The following SLCO1A2 variants were observed in gnomAD, a reference collection of about 807,000 sequenced individuals.
SLCO1A2 encodes the protein OATP-1.
SLCO1A2 carries 67 observed loss-of-function variants against 69.0 expected under a neutral mutation model. The observed-to-expected ratio is 0.97, with a 90% CI of 0.80 to 1.19. The LOEUF is 1.19. Among genes scored for constraint, SLCO1A2 ranks in the 50% most tolerant of loss-of-function variants. SLCO1A2 has a pLI of 0.00. For synonymous variants in SLCO1A2, 260 were observed against 265.9 expected (o/e 0.98, Z 0.22); for missense variants, 787 against 793.7 (o/e 0.99, Z 0.10).
chr12:21,304,901 A>G (rs1949164472), intron 5 of SLCO1A2, among the ~76,000 whole-genome samples: 1 of 152,206 alleles, frequency 6.6e-6, no homozygotes, highest in South Asian at 2.1e-4. Context: ...ATTGGCAAAC[A>G]TTAAAAATCA....
At chr12:21,273,143 C>A (rs1678236010) in intron 14 of SLCO1A2, among the ~76,000 whole-genome samples, 1 of 152,142 alleles carries the variant, frequency 6.6e-6, no homozygotes, top group Non-Finnish European at 1.5e-5. Flanking sequence ...ACATTGTACA[C>A]ACAGTGAATT....
chr12:21,369,971 C>T (rs1002133411), intron 2 of SLCO1A2, among the ~76,000 whole-genome samples: 9 of 152,086 alleles, frequency 5.9e-5, no homozygotes, highest in South Asian at 2.1e-4. Context: ...AAACATTATA[C>T]GAGACAGACC....
intron 2 of SLCO1A2, chr12:21,319,384 CA>C: frequency 7.3e-7 from 1 of 1,367,984 alleles, no homozygotes; most frequent in Non-Finnish European, 9.8e-7. Flanking sequence ...TGGCCGACTC[CA>C]CTCTTTCCTG....
intron 1 of SLCO1A2, among the ~76,000 whole-genome samples, chr12:21,402,715 G>A (rs1446228001): frequency 1.3e-5 from 2 of 152,056 alleles, no homozygotes; most frequent in Non-Finnish European, 2.9e-5. Flanking sequence ...ACAGCAACAA[G>A]TCCACATATG....
At chr12:21,304,278 C>A (rs1949075821) in intron 6 of SLCO1A2, 149 bp downstream of exon 6, 3 of 610,736 alleles carry the variant, frequency 4.9e-6, no homozygotes, top group Non-Finnish European at 8.7e-6. Context: ...ATCTCATCTC[C>A]ATTCAACAAA....
At chr12:21,276,736 A>G (rs981334424) in intron 12 of SLCO1A2, among the ~76,000 whole-genome samples, 2 of 152,154 alleles carry the variant, frequency 1.3e-5, no homozygotes, top group Non-Finnish European at 2.9e-5. Context: ...AGCACTTGGG[A>G]GAGGGAGAAT....
intron 2 of SLCO1A2, among the ~76,000 whole-genome samples, chr12:21,371,578 C>G (rs1246727027): frequency 2.6e-5 from 4 of 152,118 alleles, no homozygotes; most frequent in Non-Finnish European, 5.9e-5. Flanking sequence ...ACTAATGTTT[C>G]TAGTTAGAGA....
chr12:21,375,776 T>C (rs1375832598), intron 1 of SLCO1A2, among the ~76,000 whole-genome samples: 1 of 152,186 alleles, frequency 6.6e-6, no homozygotes, highest in Non-Finnish European at 1.5e-5. Flanking sequence ...GAGTTATACT[T>C]TGGCTTATTG....
chr12:21,341,692 A>C (rs543586863), intron 2 of SLCO1A2, among the ~76,000 whole-genome samples: 35 of 152,068 alleles, frequency 2.3e-4, no homozygotes, highest in Admixed American at 5.9e-4. Context: ...TCCAGCGTTG[A>C]TTCCCAGAAC....
intron 2 of SLCO1A2, among the ~76,000 whole-genome samples, chr12:21,364,313 T>C (rs12319570): frequency 0.14 from 21,371 of 152,200 alleles, 1,621 homozygotes; most frequent in Middle Eastern, 0.21. Flanking sequence ...ATTATCTCAA[T>C]AGATGAAGAA....
intron 12 of SLCO1A2, among the ~76,000 whole-genome samples, chr12:21,282,654 T>C (rs1308592362): frequency 2.0e-5 from 3 of 152,112 alleles, no homozygotes; most frequent in Admixed American, 2.0e-4. Context: ...CAAATTATCA[T>C]TGTTCATAGA....
intron 8 of SLCO1A2, among the ~76,000 whole-genome samples, chr12:21,299,887 C>T (rs1433192605): frequency 6.4e-5 from 3 of 46,694 alleles, no homozygotes; most frequent in Non-Finnish European, 1.2e-4. Flanking sequence ...TATATATATA[C>T]GTGTATATAT....
rs114324726 is a variant in SLCO1A2 at position 21,343,625 on chromosome 12, A to G, written c.-62-8916T>C. Among the ~76,000 whole-genome samples the G allele has an allele frequency of 3.2e-3, 494 of 152,176 alleles. 8 individuals are homozygous for G. Among genetic ancestry groups the G allele is most frequent in the African/African-American group, 0.012 (479 of 41,528 alleles). ...CAGGATTTGTGAACATCTATTTCTT[A>G]TCTTAGATATCCCTTGAGTACCTCA... On this transcript the variant is annotated intron_variant, in intron 2 of 15. Coordinates refer to the SLCO1A2 transcript ENST00000307378.
chr12:21,354,991 AAT>A (rs755129189), intron 2 of SLCO1A2: 8 of 152,184 alleles, frequency 5.3e-5, no homozygotes, highest in Non-Finnish European at 2.9e-5. Flanking sequence ...GACCTATCCT[AAT>A]ATCTACATCT....
intron 2 of SLCO1A2, among the ~76,000 whole-genome samples, chr12:21,348,935 T>C (rs563514092): frequency 2.6e-5 from 4 of 152,186 alleles, no homozygotes; most frequent in African/African-American, 9.6e-5. Context: ...TAATGATGGG[T>C]CAGTGTGGGT....
chr12:21,350,700 G>A (rs1248206288), intron 2 of SLCO1A2, among the ~76,000 whole-genome samples: 1 of 151,544 alleles, frequency 6.6e-6, no homozygotes, highest in Non-Finnish European at 1.5e-5. Flanking sequence ...AGCCGGGCGT[G>A]GTGGCACGCA....
chr12:21,358,595 G>C (rs1938560725), intron 2 of SLCO1A2, among the ~76,000 whole-genome samples: 1 of 151,662 alleles, frequency 6.6e-6, no homozygotes, highest in Non-Finnish European at 1.5e-5. Context: ...ATAATTTTGT[G>C]TCTTATATTT....
chr12:21,347,353 A>G (rs1202364625), intron 2 of SLCO1A2, among the ~76,000 whole-genome samples: 5 of 152,176 alleles, frequency 3.3e-5, no homozygotes, highest in Admixed American at 3.3e-4. Context: ...ATAGTAAATT[A>G]AGAATCTGGG....
rs539902097 is a variant in SLCO1A2, at chr12:21,334,274, G to C, written c.60+314C>G. 1.1e-4 allele frequency among the ~76,000 whole-genome samples: 16 copies of C among 152,182 alleles called. No homozygotes were observed. The South Asian group carries it at 3.3e-3, about 32-fold the overall frequency. ...CACATTTCTCTGGGTTAGAAACCCT[G>C]CAAGAGTGAGCATGGCCTTTGATCC... On this transcript the variant is annotated intron_variant, in intron 2 of 14. Coordinates refer to ENST00000683939, the MANE Select transcript of SLCO1A2 (RefSeq NM_001386879.1).
Sources: gnomAD v4.1 joint callset for allele counts (sites outside exome capture counted in the v4.1 genomes callset) on GRCh38, gnomAD v4.1.1 for gene constraint, MANE v1.5 for transcripts, NCBI Gene and HGNC (gene_info 2026-07-23, HGNC 2026-07-21) for gene names.